The following PIK3CB variants were observed in gnomAD, a reference collection of about 807,000 sequenced individuals.
PIK3CB encodes the protein phosphatidylinositol 4,5-bisphosphate 3-kinase catalytic subunit beta isoform.
In PIK3CB, 39 loss-of-function variants were observed where a neutral mutation model predicts 136.8. The ratio of observed to expected loss-of-function variants is 0.29; its 90% CI spans 0.22 to 0.37. The LOEUF is 0.37. PIK3CB is among the 10% of genes least tolerant of loss of function. The probability of loss-of-function intolerance (pLI) is 1.00; values close to 1 mark genes in which losing one functional copy is unlikely to be tolerated. For missense variants in PIK3CB, 868 were observed against 1,275.4 expected (o/e 0.68, Z 4.87); for synonymous variants, 428 against 436.6 (o/e 0.98, Z 0.25).
intron 10 of PIK3CB, among the ~76,000 whole-genome samples, chr3:138,710,738 C>T (rs975389063): frequency 1.4e-4 from 22 of 152,052 alleles, no homozygotes; most frequent in East Asian, 1.2e-3. Context: ...GAAATAAAAG[C>T]GTGTGGAAGG....
At chr3:138,779,504 C>T (rs766073467) in intron 2 of PIK3CB, among the ~76,000 whole-genome samples, 37 of 151,198 alleles carry the variant, frequency 2.4e-4, no homozygotes, top group Admixed American at 1.1e-3. Context: ...AATCCTCCCA[C>T]ATCAAGCCTC....
intron 2 of PIK3CB, among the ~76,000 whole-genome samples, chr3:138,790,548 G>A (rs1246087007): frequency 6.6e-6 from 1 of 150,482 alleles, no homozygotes. Context: ...CTCATGCCTG[G>A]AAGCCCAGCA....
intron 21 of PIK3CB, among the ~76,000 whole-genome samples, chr3:138,659,544 G>A (rs538133116): frequency 1.4e-4 from 21 of 151,846 alleles, no homozygotes; most frequent in Non-Finnish European, 2.4e-4. Context: ...TTTGGTTATC[G>A]AATTTTAGGT....
At chr3:138,790,974 A>C (rs2046042101) in intron 2 of PIK3CB, among the ~76,000 whole-genome samples, 1 of 151,946 alleles carries the variant, frequency 6.6e-6, no homozygotes. Context: ...AAAACAAAAC[A>C]AAACAAAAAA....
chr3:138,769,610 T>C (rs983306049), intron 2 of PIK3CB, among the ~76,000 whole-genome samples: 6 of 152,238 alleles, frequency 3.9e-5, no homozygotes, highest in Admixed American at 6.5e-5. Flanking sequence ...TGTGGTGTTC[T>C]GCAATTAAAA....
chr3:138,690,704 A>G (rs2043988779), intron 15 of PIK3CB, among the ~76,000 whole-genome samples: 1 of 150,520 alleles, frequency 6.6e-6, no homozygotes, highest in African/African-American at 2.5e-5. Context: ...TTAAAAATCA[A>G]GCAGGTAGAA....
At chr3:138,746,492 C>T (rs1241443740) in intron 4 of PIK3CB, among the ~76,000 whole-genome samples, 1 of 151,906 alleles carries the variant, frequency 6.6e-6, no homozygotes, top group Non-Finnish European at 1.5e-5. Flanking sequence ...AACCCCATCT[C>T]TACTAAAAAT....
At chr3:138,798,971 G>A (rs549156752) in intron 1 of PIK3CB, among the ~76,000 whole-genome samples, 60 of 152,086 alleles carry the variant, frequency 3.9e-4, no homozygotes, top group Middle Eastern at 3.4e-3. Flanking sequence ...ATGTAAGCCT[G>A]TAATCCAGTT....
In PIK3CB at chr3:138,810,408, GC is replaced by G. The variant is rs377401392; in HGVS notation, c.-121-13842del. Among the ~76,000 whole-genome samples, 91 of 152,174 alleles carry G rather than the reference GC, an allele frequency of 6.0e-4. No homozygotes were observed. The South Asian group carries it at 0.018, about 31-fold the overall frequency. ...GAAACCTAACAAACTACCTCAGCCAGCTGATCAAGGACAACATCAACAACGA... is the reference window on the plus strand; with the variant it reads ...GAAACCTAACAAACTACCTCAGCCAGTGATCAAGGACAACATCAACAACGA... On this transcript the variant is annotated intron_variant, in intron 1 of 23. Transcript: ENST00000674063.
chr3:138,681,491 T>G (rs2043781429), intron 19 of PIK3CB, among the ~76,000 whole-genome samples: 1 of 152,200 alleles, frequency 6.6e-6, no homozygotes, highest in Non-Finnish European at 1.5e-5. Context: ...TCCTTTTTTC[T>G]GTCACGACAC....
chr3:138,711,431 T>C (rs1285864008), intron 10 of PIK3CB, among the ~76,000 whole-genome samples: 1 of 151,290 alleles, frequency 6.6e-6, no homozygotes, highest in East Asian at 2.0e-4. Flanking sequence ...AATACAAAAT[T>C]AGCTGGACGT....
chr3:138,737,943 A>G (rs1035454638), intron 5 of PIK3CB, 57 bp from the exon 6 acceptor site: 24 of 1,019,814 alleles, frequency 2.4e-5, no homozygotes, highest in Non-Finnish European at 3.3e-5. Context: ...ATGCTGAAAA[A>G]TCACATTACA....
intron 2 of PIK3CB, among the ~76,000 whole-genome samples, chr3:138,789,968 C>T (rs2046029974): frequency 1.3e-5 from 2 of 152,060 alleles, no homozygotes; most frequent in South Asian, 2.1e-4. Flanking sequence ...GGATTACAGG[C>T]GTGAGCCACC....
chr3:138,791,371 G>A (rs2046045702), intron 2 of PIK3CB, among the ~76,000 whole-genome samples: 1 of 152,094 alleles, frequency 6.6e-6, no homozygotes. Context: ...TCTAACTCAA[G>A]GGATCTGCCC....
chr3:138,776,347 C>T (rs1006488780), intron 2 of PIK3CB, among the ~76,000 whole-genome samples: 2 of 152,084 alleles, frequency 1.3e-5, no homozygotes, highest in South Asian at 4.1e-4. Flanking sequence ...GGAATACTCT[C>T]AAGGGATTAA....
chr3:138,721,302 A>G (rs1256476016), intron 8 of PIK3CB, among the ~76,000 whole-genome samples: 3 of 152,080 alleles, frequency 2.0e-5, no homozygotes, highest in Non-Finnish European at 4.4e-5. Context: ...AGCTGGGATT[A>G]TAAGCACCTG....
At chr3:138,703,364 A>G (rs1439089576) in intron 12 of PIK3CB, among the ~76,000 whole-genome samples, 1 of 152,198 alleles carries the variant, frequency 6.6e-6, no homozygotes, top group Non-Finnish European at 1.5e-5. Flanking sequence ...AGAATGGGAA[A>G]AACATACACA....
At chr3:138,809,659 TAGGAGTTTACAGCAG>T (rs1422398649) in intron 1 of PIK3CB, among the ~76,000 whole-genome samples, 3 of 136,030 alleles carry the variant, frequency 2.2e-5, no homozygotes, top group Non-Finnish European at 3.2e-5. Flanking sequence ...ACTATTGGAG[TAGGAGTTTACAGCAG>T]TTAAACAAGA....
intron 16 of PIK3CB, among the ~76,000 whole-genome samples, chr3:138,686,599 A>G (rs1292342794): frequency 6.6e-6 from 1 of 152,208 alleles, no homozygotes; most frequent in South Asian, 2.1e-4. Context: ...TTAAAACTGG[A>G]AAAAACAAAT....
Sources: gnomAD v4.1 joint callset for allele counts (sites outside exome capture counted in the v4.1 genomes callset) on GRCh38, gnomAD v4.1.1 for gene constraint, MANE v1.5 for transcripts, NCBI Gene and HGNC (gene_info 2026-07-23, HGNC 2026-07-21) for gene names.